FRY: variants seen among roughly 807,000 people sequenced by gnomAD.
FRY encodes the protein protein furry homolog.
A neutral mutation model predicts 348.4 loss-of-function variants in FRY; 128 were observed. The ratio of observed to expected loss-of-function variants is 0.37; its 90% CI spans 0.32 to 0.43. The LOEUF (loss-of-function observed/expected upper bound fraction) is 0.43, where lower values mean the gene tolerates loss of function less well. Among genes scored for constraint, FRY ranks in the 20% least tolerant of loss-of-function variants. The pLI is 1.00. For missense variants in FRY, 2,736 were observed against 3,695.2 expected, an observed-to-expected ratio of 0.74 and a Z score of 6.73; for synonymous variants, 1,370 against 1,374.7, an observed-to-expected ratio of 1.00 and a Z score of 0.08.
In FRY at chr13:32,274,980, G is replaced by A; in HGVS notation, c.8275G>A (p.Asp2759Asn). ...CTCTGAATGTCCTACACTTTTTGTG[G>A]ATGCCGAGACTGTGAGTATCCCAGT... ...SCSECPTLFV[D>N]AETLLSCGLL... is the part of the protein sequence containing the mutation. Residue 2759 changes from aspartate to asparagine, a missense_variant, in exon 56 of 61, where the codon GAT (aspartate) becomes AAT (asparagine). This residue lies in a region of FRY where 789 missense variants were observed against 996.2 expected (regional missense o/e 0.79). Coordinates refer to ENST00000542859, the MANE Select transcript of FRY (RefSeq NM_023037.3). 6.2e-7 allele frequency: 1 copy of A among 1,613,820 alleles called. No individual in the cohort carries two copies. Among genetic ancestry groups the A allele is most frequent in the South Asian group, 1.1e-5 (1 of 91,066 alleles).
rs1209032287 is a variant in FRY at position 32,239,049 on chromosome 13, CA to C, written c.6419-202del. On this transcript the variant is annotated intron_variant, in intron 44 of 60. Transcript: ENST00000542859. The surrounding 1 kb of genome is among the most constrained non-coding windows in gnomAD (Gnocchi z 4.3). ...AGATAATCACTGCATCTTAAAATCG[CA>C]GATCTACTTTACTGTCTTCTTTGTA... Among the ~76,000 whole-genome samples the C allele has an allele frequency of 6.6e-6, 1 of 152,218 alleles. No individual in the cohort carries two copies. Among genetic ancestry groups the C allele is most frequent in the Non-Finnish European group, 1.5e-5 (1 of 68,042 alleles).
chr13:32,238,711 A>T (rs1237789646), intron 44 of FRY, among the ~76,000 whole-genome samples: 1 of 152,152 alleles, frequency 6.6e-6, no homozygotes, highest in South Asian at 2.1e-4. Context: ...CAGACTCTCA[A>T]AGTCCTTGGA....
intron 11 of FRY, among the ~76,000 whole-genome samples, chr13:32,146,018 TCCTCTCAAG>T (rs1318413574): frequency 6.6e-6 from 1 of 152,106 alleles, no homozygotes; most frequent in African/African-American, 2.4e-5. Context: ...GCCCCTGCTT[TCCTCTCAAG>T]CCTCACCACC....
chr13:32,219,174 C>T (rs191387220), intron 36 of FRY, among the ~76,000 whole-genome samples: 1,534 of 149,988 alleles, frequency 0.01, 24 homozygotes, highest in African/African-American at 0.034. Flanking sequence ...CTGCAAGCTC[C>T]GCCTTCTGGG....
At chr13:32,272,871 G>A (rs1243468220) in intron 55 of FRY, among the ~76,000 whole-genome samples, 1 of 151,696 alleles carries the variant, frequency 6.6e-6, no homozygotes, top group African/African-American at 2.4e-5. Flanking sequence ...AAGTAGCTGG[G>A]ATTACAGGTA....
chr13:32,228,731 A>G, intron 40 of FRY, 77 bp downstream of exon 40: 1 of 1,200,202 alleles, frequency 8.3e-7, no homozygotes, highest in Non-Finnish European at 1.2e-6. Flanking sequence ...AACCACACAG[A>G]TGGAAAAGTG....
rs1267927118 is a variant in FRY at position 32,041,517 on chromosome 13, CT to C, written c.70+9654del. On this transcript the variant is annotated intron_variant, in intron 1 of 60. Transcript: ENST00000542859. ...CCATGTTGGCCAGGCTGGTCTTAAA[CT>C]TCTGACCTCAAGGGATTACAGGCAT... Among the ~76,000 whole-genome samples the C allele has an allele frequency of 2.1e-3, 319 of 152,212 alleles. 2 individuals are homozygous for C. Among genetic ancestry groups the C allele is most frequent in the Admixed American group, 0.018 (269 of 15,290 alleles).
chr13:32,202,646 C>A (rs1884099966), intron 31 of FRY, 119 bp downstream of exon 31: 4 of 966,590 alleles, frequency 4.1e-6, no homozygotes, highest in South Asian at 4.1e-5. Flanking sequence ...TTTTTAAATT[C>A]TAGTTTAATT....
In FRY at chr13:32,274,843, A is replaced by G; in HGVS notation, c.8138A>G (p.Asn2713Ser). 2 of 1,613,080 alleles carry G rather than the reference A, an allele frequency of 1.2e-6. No homozygotes were observed. The highest frequency in any genetic ancestry group is 1.7e-6 in the Non-Finnish European group (2 of 1,179,120). The change falls in exon 56 of 61, where the codon AAT becomes AGT. Residue 2713 changes from asparagine (N) to serine (S), a missense_variant and splice_region_variant. Physicochemically the swap from Asn to Ser is conservative, Grantham distance 46. Coordinates refer to ENST00000542859, the MANE Select transcript of FRY (RefSeq NM_023037.3). ...TFHVFSSLFKNIQKRFCFLTC... is the reference protein window; with the variant it reads ...TFHVFSSLFKSIQKRFCFLTC... ...AATGGTCACTATTTTGCCTTGCAGA[A>G]TATTCAGAAAAGGTTCTGCTTCCTA...
chr13:32,121,515 A>G (rs1450477254), intron 4 of FRY, among the ~76,000 whole-genome samples: 1 of 151,840 alleles, frequency 6.6e-6, no homozygotes, highest in Non-Finnish European at 1.5e-5. Flanking sequence ...TTTGATTTGC[A>G]TTTCCCTGAT....
At chr13:32,041,938 A>C (rs920422041) in intron 1 of FRY, among the ~76,000 whole-genome samples, 2 of 152,234 alleles carry the variant, frequency 1.3e-5, no homozygotes, top group Non-Finnish European at 2.9e-5. Context: ...CTTTGTTCTC[A>C]ACTAACAATT....
chr13:32,249,337 A>G (rs1219541907), intron 48 of FRY, among the ~76,000 whole-genome samples, 189 bp from the exon 49 acceptor site: 1 of 152,118 alleles, frequency 6.6e-6, no homozygotes, highest in African/African-American at 2.4e-5. Context: ...GAGGGGAGGA[A>G]ATGTTGAAGA....
intron 46 of FRY, 23 bp from the exon 47 acceptor site, chr13:32,244,019 C>T (rs1566162916): frequency 6.2e-7 from 1 of 1,612,786 alleles, no homozygotes; most frequent in Non-Finnish European, 8.5e-7. Context: ...GTGACTGACT[C>T]CAGCCGCACT....
chr13:32,182,531 A>T (rs572848802), intron 23 of FRY, among the ~76,000 whole-genome samples: 1 of 152,216 alleles, frequency 6.6e-6, no homozygotes, highest in Non-Finnish European at 1.5e-5. Context: ...TCTCTTTTCC[A>T]CTAATTAGAC....
intron 44 of FRY, among the ~76,000 whole-genome samples, chr13:32,238,413 A>G (rs1443267795): frequency 6.6e-6 from 1 of 151,040 alleles, no homozygotes; most frequent in African/African-American, 2.5e-5. Flanking sequence ...AAATCAACAA[A>G]CCAGATTTTT....
Position 32,124,858 on chromosome 13 carries a change from A to G in FRY, c.699A>G (p.Gly233=). The G allele has an allele frequency of 6.2e-7, 1 of 1,612,062 alleles. No individual in the cohort carries two copies. Among genetic ancestry groups the G allele is most frequent in the Non-Finnish European group, 8.5e-7 (1 of 1,178,098 alleles). ...CAGACCTGTATGCAGAAGTCATTGG[A>G]GTGTTGGCACAAGCCAAGTAAGTGA... ...IVADLYAEVI[G]VLAQAKFPAV... The change falls in exon 7 of 61, where the codon GGA becomes GGG. Residue 233 remains glycine (G), a synonymous_variant. Transcript: ENST00000542859.
chr13:32,297,069 A>G lies in FRY; in HGVS notation c.*1609A>G, dbSNP rs890784507. On this transcript the variant is annotated 3_prime_UTR_variant, in exon 61 of 61. Transcript: ENST00000542859. ...TCTCATTTATGCCGTCTTTCTACTCATATTTTACATGGACCAACAAATATA... is the reference window on the plus strand; with the variant it reads ...TCTCATTTATGCCGTCTTTCTACTCGTATTTTACATGGACCAACAAATATA... 5 of 152,218 alleles carry G rather than the reference A, an allele frequency of 3.3e-5. No individual in the cohort carries two copies. The highest frequency in any genetic ancestry group is 1.2e-4 in the African/African-American group (5 of 41,444). The allele number at this position is 152,218 out of a possible 1,614,324, so 9.4% of individuals were successfully genotyped here. A position where few individuals can be genotyped will look rare whatever the true frequency, so the allele number is the denominator to read the frequency against.
At chr13:32,222,254 G>A (rs1483314927) in intron 36 of FRY, among the ~76,000 whole-genome samples, 9 of 152,198 alleles carry the variant, frequency 5.9e-5, no homozygotes, top group African/African-American at 2.2e-4. Context: ...GAAGCTAGGA[G>A]TGGGGTGAGC....
At chr13:32,181,376 C>T (rs997785968) in intron 23 of FRY, among the ~76,000 whole-genome samples, 3 of 151,376 alleles carry the variant, frequency 2.0e-5, no homozygotes, top group Non-Finnish European at 4.4e-5. Flanking sequence ...GGGTGGATCA[C>T]CTGAGGTCAG....
Sources: gnomAD v4.1 joint callset for allele counts (sites outside exome capture counted in the v4.1 genomes callset) on GRCh38, gnomAD v4.1.1 for gene constraint, gnomAD v4.1.1 regional missense constraint, Gnocchi (gnomAD v3.1) non-coding constraint, MANE v1.5 for transcripts, NCBI Gene and HGNC (gene_info 2026-07-23, HGNC 2026-07-21) for gene names.